Variants in KAZN observed in about 807,000 individuals in gnomAD.
KAZN encodes the protein kazrin, periplakin interacting protein.
KAZN carries 40 observed loss-of-function variants against 87.4 expected under a neutral mutation model. The observed-to-expected ratio is 0.46, with a 90% CI of 0.36 to 0.60. The LOEUF is 0.60. Among genes scored for constraint, KAZN ranks in the 20% least tolerant of loss-of-function variants. KAZN has a pLI of 0.00. For missense variants in KAZN, 898 were observed against 1,073.9 expected (o/e 0.84, Z 2.29); for synonymous variants, 466 against 458.3 (o/e 1.02, Z -0.22).
At chr1:14,548,697 G>A (rs1212132162) in intron 2 of KAZN, among the ~76,000 whole-genome samples, 1 of 152,014 alleles carries the variant, frequency 6.6e-6, no homozygotes, top group Non-Finnish European at 1.5e-5. Flanking sequence ...CACTATTATA[G>A]ATTATTTCAC....
intron 2 of KAZN, among the ~76,000 whole-genome samples, chr1:14,413,009 T>TAA (rs1217544568): frequency 6.7e-6 from 1 of 148,512 alleles, no homozygotes; most frequent in African/African-American, 2.4e-5. Flanking sequence ...TAAATATATA[T>TAA]AATAAGTTAT....
At chr1:14,303,880 T>C (rs957414124) in intron 2 of KAZN, among the ~76,000 whole-genome samples, 1 of 152,232 alleles carries the variant, frequency 6.6e-6, no homozygotes, top group Non-Finnish European at 1.5e-5. Context: ...AATGCAAATA[T>C]AAGCAATAAA....
chr1:14,752,187 A>G (rs145076753), intron 1 of KAZN, among the ~76,000 whole-genome samples: 79 of 152,312 alleles, frequency 5.2e-4, no homozygotes, highest in Admixed American at 1.4e-3. Flanking sequence ...ATCTGCCCCT[A>G]TGACCCAAAC....
At chr1:14,657,271 C>CG in intron 1 of KAZN, among the ~76,000 whole-genome samples, 1 of 152,064 alleles carries the variant, frequency 6.6e-6, no homozygotes, top group East Asian at 1.9e-4. Context: ...TTAGTAGAGA[C>CG]GGGGTTTCTC....
chr1:14,779,440 G>A (rs1302467443), intron 1 of KAZN, among the ~76,000 whole-genome samples: 1 of 152,110 alleles, frequency 6.6e-6, no homozygotes, highest in East Asian at 1.9e-4. Flanking sequence ...TACCTTCCCC[G>A]GCCTTTGCAC....
intron 2 of KAZN, among the ~76,000 whole-genome samples, chr1:14,972,727 C>A (rs981734725): frequency 5.3e-5 from 8 of 151,968 alleles, no homozygotes; most frequent in East Asian, 1.9e-4. Flanking sequence ...GTTGGCCAGG[C>A]TGGTCTCGAA....
At chr1:15,065,831 T>C in intron 8 of KAZN, 78 bp downstream of exon 8, 1 of 1,583,298 alleles carries the variant, frequency 6.3e-7, no homozygotes, top group Non-Finnish European at 8.6e-7. Context: ...CCCGCAGGCG[T>C]GTCTGTGCGT....
intron 1 of KAZN, among the ~76,000 whole-genome samples, chr1:14,866,374 G>C (rs149606181): frequency 6.6e-6 from 1 of 152,198 alleles, no homozygotes; most frequent in Non-Finnish European, 1.5e-5. Context: ...TCCTGGTCAA[G>C]GTCTATGCCC....
chr1:14,287,883 C>G (rs894937088), intron 2 of KAZN, among the ~76,000 whole-genome samples: 1 of 152,160 alleles, frequency 6.6e-6, no homozygotes, highest in Non-Finnish European at 1.5e-5. Flanking sequence ...GAGTTTTCAG[C>G]ATGAAGGGCT....
At chr1:14,412,272 G>T (rs865969685) in intron 2 of KAZN, among the ~76,000 whole-genome samples, 1 of 152,152 alleles carries the variant, frequency 6.6e-6, no homozygotes, top group Non-Finnish European at 1.5e-5. Context: ...AAGCTCTAAT[G>T]AGTAAACAAG....
intron 2 of KAZN, among the ~76,000 whole-genome samples, chr1:14,970,205 G>A (rs935390360): frequency 6.6e-6 from 1 of 152,204 alleles, no homozygotes; most frequent in Non-Finnish European, 1.5e-5. Flanking sequence ...ATAGTACGGA[G>A]CGTTGCTGTA....
rs376493337 is a variant in KAZN at position 15,001,711 on chromosome 1, G to A, written c.419-33038G>A. On this transcript the variant is annotated intron_variant, in intron 2 of 14. Transcript: ENST00000376030. ...TCCTTCAACTGCTGGAGTGCTCCTCGCCTGTGGGGTCGACCTCACCCAGAG... is the reference window on the plus strand; with the variant it reads ...TCCTTCAACTGCTGGAGTGCTCCTCACCTGTGGGGTCGACCTCACCCAGAG... 7.9e-5 allele frequency among the ~76,000 whole-genome samples: 12 copies of A among 152,050 alleles called. No individual in the cohort carries two copies. In the East Asian group the frequency reaches 1.9e-3, roughly 25 times the overall value.
chr1:14,807,912 C>T (rs960357372), intron 1 of KAZN, among the ~76,000 whole-genome samples: 3 of 152,128 alleles, frequency 2.0e-5, no homozygotes, highest in Non-Finnish European at 2.9e-5. Context: ...GAGCCTGCCC[C>T]TCAACTACAA....
chr1:14,667,731 A>G (rs1639650439), intron 1 of KAZN, among the ~76,000 whole-genome samples: 1 of 151,954 alleles, frequency 6.6e-6, no homozygotes. Context: ...AATTTTCAAA[A>G]CACAGTGTAC....
rs181447124 is a variant in KAZN, at chr1:14,416,540, A to G, written c.250-182443A>G. 5.0e-3 allele frequency among the ~76,000 whole-genome samples: 764 copies of G among 152,192 alleles called. 7 individuals carry two copies. Among genetic ancestry groups the G allele is most frequent in the African/African-American group, 0.018 (735 of 41,538 alleles). On this transcript the variant is annotated intron_variant, in intron 2 of 16. Coordinates refer to the KAZN transcript ENST00000636203. ...TCACCTGAGGTCAGGCGTTCAAGAC[A>G]AGCCTGGTCAACATGGTGAAAGCCC...
chr1:14,712,763 C>T (rs1642554105), intron 1 of KAZN, among the ~76,000 whole-genome samples: 1 of 152,182 alleles, frequency 6.6e-6, no homozygotes, highest in Admixed American at 6.5e-5. Context: ...CCGCTCAGAC[C>T]TGGGCAGGCT....
chr1:13,893,654 C>A (rs1638921882), exon 1 of KAZN: 2 of 1,550,246 alleles, frequency 1.3e-6, no homozygotes, highest in East Asian at 4.9e-5. Context: ...CACCAAAGAC[C>A]CCAAAAGAGC....
chr1:14,440,508 A>G (rs1412396487), intron 2 of KAZN, among the ~76,000 whole-genome samples: 2 of 152,196 alleles, frequency 1.3e-5, no homozygotes, highest in Admixed American at 6.5e-5. Context: ...CAGGAACCCC[A>G]TCCTACTGAA....
At chr1:14,521,663 G>A (rs899312415) in intron 2 of KAZN, among the ~76,000 whole-genome samples, 11 of 152,138 alleles carry the variant, frequency 7.2e-5, no homozygotes, top group East Asian at 1.9e-4. Context: ...ACTGAGAACC[G>A]CCTACAGTCC....
Sources: gnomAD v4.1 joint callset for allele counts (sites outside exome capture counted in the v4.1 genomes callset) on GRCh38, gnomAD v4.1.1 for gene constraint, MANE v1.5 for transcripts, NCBI Gene and HGNC (gene_info 2026-07-23, HGNC 2026-07-21) for gene names.